The following ETS1 variants were observed in gnomAD, a reference collection of about 807,000 sequenced individuals.
ETS1 encodes ETS proto-oncogene 1, transcription factor, also known as protein C-ets-1.
ETS1 carries 15 observed loss-of-function variants against 58.6 expected under a neutral mutation model. The observed-to-expected ratio is 0.26, with a 90% CI of 0.17 to 0.39. The LOEUF is 0.39. Ranked by LOEUF, ETS1 falls within the 10% of genes least tolerant of loss-of-function variation. The pLI, the probability that ETS1 is intolerant of heterozygous loss-of-function variation, is 1.00. For synonymous variants in ETS1, 214 were observed against 218.2 expected (o/e 0.98, Z 0.17); for missense variants, 417 against 610.5 (o/e 0.68, Z 3.34).
chr11:128,571,210 C>T (rs1702538805), intron 2 of ETS1, among the ~76,000 whole-genome samples: 1 of 150,962 alleles, frequency 6.6e-6, no homozygotes. Flanking sequence ...GGGCGGATCA[C>T]GAGGTCAGGA....
chr11:128,577,541 T>C (rs1407035828), intron 1 of ETS1, among the ~76,000 whole-genome samples: 1 of 152,200 alleles, frequency 6.6e-6, no homozygotes, highest in East Asian at 1.9e-4. Context: ...AGCTGGCACA[T>C]AGATAACTGT....
At chr11:128,583,177 C>T (rs570464319) in intron 1 of ETS1, among the ~76,000 whole-genome samples, 1 of 152,302 alleles carries the variant, frequency 6.6e-6, no homozygotes, top group South Asian at 2.1e-4. Context: ...GCTGGACTAA[C>T]TTGGTTGAAC....
chr11:128,466,652 T>TAGTA (rs1459814507), intron 8 of ETS1, among the ~76,000 whole-genome samples: 1 of 152,114 alleles, frequency 6.6e-6, no homozygotes, highest in Non-Finnish European at 1.5e-5. Flanking sequence ...ACAGGGTGAG[T>TAGTA]ACTCGTCAGA....
chr11:128,543,311 C>T (rs977409989), intron 3 of ETS1, among the ~76,000 whole-genome samples: 1 of 151,768 alleles, frequency 6.6e-6, no homozygotes, highest in Non-Finnish European at 1.5e-5. Flanking sequence ...CCAGGAAGAG[C>T]GAAAAGATTA....
At chr11:128,585,741 G>A (rs74626275) in intron 1 of ETS1, among the ~76,000 whole-genome samples, 2,808 of 152,262 alleles carry the variant, frequency 0.018, 92 homozygotes, top group African/African-American at 0.061. Flanking sequence ...CAGGCGGGGC[G>A]CAAATGATTG....
chr11:128,500,516 T>C (rs1426050920), intron 3 of ETS1, among the ~76,000 whole-genome samples: 1 of 151,606 alleles, frequency 6.6e-6, no homozygotes, highest in Non-Finnish European at 1.5e-5. Flanking sequence ...AAACCCCACA[T>C]GTCTCGGTGC....
intron 1 of ETS1, among the ~76,000 whole-genome samples, chr11:128,579,148 T>A (rs573202154): frequency 6.6e-6 from 1 of 152,288 alleles, no homozygotes; most frequent in East Asian, 1.9e-4. Flanking sequence ...ATATCCTGGG[T>A]ATGAAGATGG....
intron 3 of ETS1, among the ~76,000 whole-genome samples, chr11:128,516,901 A>G (rs1232419968): frequency 1.3e-5 from 2 of 152,172 alleles, no homozygotes; most frequent in Non-Finnish European, 1.5e-5. Flanking sequence ...ATGCACAGCA[A>G]CATCAGTGAT....
intron 3 of ETS1, among the ~76,000 whole-genome samples, chr11:128,542,488 C>T (rs1396168819): frequency 6.6e-6 from 1 of 152,104 alleles, no homozygotes; most frequent in African/African-American, 2.4e-5. Context: ...CTTTCTTACA[C>T]TGAAGCTAGT....
intron 3 of ETS1, among the ~76,000 whole-genome samples, chr11:128,492,322 T>C (rs1862824201): frequency 1.3e-5 from 2 of 152,232 alleles, no homozygotes; most frequent in Admixed American, 6.5e-5. Flanking sequence ...TGCCTCTGAA[T>C]GTCGAACTAA....
intron 1 of ETS1, among the ~76,000 whole-genome samples, chr11:128,580,425 C>G (rs1565418859): frequency 6.6e-6 from 1 of 152,124 alleles, no homozygotes; most frequent in Non-Finnish European, 1.5e-5. Flanking sequence ...AACAAAAGCT[C>G]CCAAATCCAA....
intron 3 of ETS1, among the ~76,000 whole-genome samples, chr11:128,544,046 A>G (rs1051818895): frequency 6.6e-6 from 1 of 152,116 alleles, no homozygotes; most frequent in Non-Finnish European, 1.5e-5. Flanking sequence ...CTCAATGTCT[A>G]TGAAAGATAA....
chr11:128,526,601 T>G, intron 3 of ETS1: 1 of 261,776 alleles, frequency 3.8e-6, no homozygotes, highest in Non-Finnish European at 7.5e-6. Flanking sequence ...ATAGAACAAC[T>G]ATCACCACAT....
intron 1 of ETS1, among the ~76,000 whole-genome samples, chr11:128,575,279 T>C (rs1864721264): frequency 6.6e-6 from 1 of 151,450 alleles, no homozygotes; most frequent in Non-Finnish European, 1.5e-5. Context: ...TATAACAATA[T>C]ACTGTGATAA....
intron 3 of ETS1, among the ~76,000 whole-genome samples, chr11:128,544,504 G>A (rs911023120): frequency 1.2e-3 from 186 of 151,922 alleles, no homozygotes; most frequent in African/African-American, 4.2e-3. Flanking sequence ...CCTTCTCCCA[G>A]TTCTGCTCAA....
At chr11:128,475,621 G>A (rs1300668610) in intron 8 of ETS1, among the ~76,000 whole-genome samples, 6 of 135,752 alleles carry the variant, frequency 4.4e-5, no homozygotes, top group South Asian at 4.5e-4. Flanking sequence ...GTGCGATCTC[G>A]GCTCACTGCA....
At chr11:128,556,257 T>C in intron 3 of ETS1, 34 bp downstream of exon 3, 1 of 1,579,680 alleles carries the variant, frequency 6.3e-7, no homozygotes. Context: ...CCTTCAACTC[T>C]ATCCTCATTC....
At chr11:128,518,703 T>C (rs141009130) in intron 3 of ETS1, among the ~76,000 whole-genome samples, 574 of 152,336 alleles carry the variant, frequency 3.8e-3, no homozygotes, top group Non-Finnish European at 6.4e-3. Flanking sequence ...AGTGATCTAA[T>C]AGACTGGGCA....
chr11:128,575,037 A>G (rs1046552080), intron 1 of ETS1, among the ~76,000 whole-genome samples: 7 of 152,184 alleles, frequency 4.6e-5, no homozygotes, highest in Non-Finnish European at 7.3e-5. Flanking sequence ...TTTCCTCCAA[A>G]AAAAGCCCCA....
Sources: allele counts gnomAD v4.1 joint callset (sites outside exome capture counted in the v4.1 genomes callset), GRCh38; gene constraint gnomAD v4.1.1; transcripts MANE v1.5; gene names NCBI Gene and HGNC (gene_info 2026-07-23, HGNC 2026-07-21).